Variants in MYO19 observed in about 807,000 individuals in gnomAD.
MYO19 encodes the protein unconventional myosin-XIX.
A neutral mutation model predicts 129.2 loss-of-function variants in MYO19; 132 were observed. The observed-to-expected ratio is 1.02, with a 90% CI of 0.89 to 1.18. MYO19 has a LOEUF of 1.18. MYO19 is among the 50% of genes most tolerant of loss of function. MYO19 has a pLI of 0.00. For synonymous variants in MYO19, 531 were observed against 477.2 expected, an observed-to-expected ratio of 1.11 and a Z score of -1.47; for missense variants, 1,210 against 1,216.7, an observed-to-expected ratio of 0.99 and a Z score of 0.08.
chr17:36,519,818 T>C (rs2073030484), intron 6 of MYO19, among the ~76,000 whole-genome samples: 1 of 152,176 alleles, frequency 6.6e-6, no homozygotes, highest in African/African-American at 2.4e-5. Flanking sequence ...TATTTCACTT[T>C]CATTGTTGAA....
At chr17:36,517,127 C>A (rs1247183304) in intron 6 of MYO19, among the ~76,000 whole-genome samples, 1 of 152,150 alleles carries the variant, frequency 6.6e-6, no homozygotes, top group African/African-American at 2.4e-5. Context: ...TGTATAATTT[C>A]TTGGCATAAA....
At chr17:36,502,936 A>C (rs1247762608) in intron 21 of MYO19, 161 bp downstream of exon 21, 1 of 649,550 alleles carries the variant, frequency 1.5e-6, no homozygotes, top group East Asian at 2.6e-5. Flanking sequence ...TCCACTTTCC[A>C]TGCTATTTGT....
At chr17:36,532,833 G>A (rs1258595683) in intron 2 of MYO19, among the ~76,000 whole-genome samples, 152 bp from the exon 3 acceptor site, 2 of 152,166 alleles carry the variant, frequency 1.3e-5, no homozygotes, top group Admixed American at 1.3e-4. Context: ...TTGCCAATTA[G>A]GAGACAGGGA....
chr17:36,515,649 G>A (rs1348423973), intron 7 of MYO19, among the ~76,000 whole-genome samples: 1 of 152,200 alleles, frequency 6.6e-6, no homozygotes, highest in Non-Finnish European at 1.5e-5. Context: ...GCCTAGGCTG[G>A]AGCGAGGAAG....
chr17:36,527,976 C>T (rs141386088), intron 4 of MYO19, 88 bp downstream of exon 4: 16 of 1,527,736 alleles, frequency 1.0e-5, no homozygotes, highest in South Asian at 7.5e-5. Context: ...TGCCGACCTC[C>T]GTCTGACCTG....
At chr17:36,532,007 T>C (rs2073863131) in intron 3 of MYO19, among the ~76,000 whole-genome samples, 1 of 152,216 alleles carries the variant, frequency 6.6e-6, no homozygotes, top group South Asian at 2.1e-4. Flanking sequence ...GGGGCAACAG[T>C]AGCCTTTTCA....
Position 36,504,027 on chromosome 17 carries a change from G to T in MYO19, c.1906-7C>A, listed in dbSNP as rs554594296. ...CCTCCAGCTGGCTCAGGACCTGCAAGGGTGGGGAGACAGGGCAGGCACCTG... is the reference window on the plus strand; with the variant it reads ...CCTCCAGCTGGCTCAGGACCTGCAATGGTGGGGAGACAGGGCAGGCACCTG... On this transcript the variant is annotated splice_region_variant and splice_polypyrimidine_tract_variant and intron_variant, in intron 19 of 25. Transcript: ENST00000614623. 9.6e-6 allele frequency: 15 copies of T among 1,562,624 alleles called. No homozygotes were observed. In the East Asian group the frequency reaches 3.1e-4, roughly 32 times the overall value.
chr17:36,537,449 C>A (rs766615427), upstream of MYO19: 5 of 1,614,188 alleles, frequency 3.1e-6, no homozygotes, highest in Non-Finnish European at 4.2e-6. Flanking sequence ...TTGAAAAATT[C>A]TTGAACATCA....
At chr17:36,531,160 C>T (rs1007295412) in intron 3 of MYO19, among the ~76,000 whole-genome samples, 4 of 151,756 alleles carry the variant, frequency 2.6e-5, no homozygotes, top group Non-Finnish European at 4.4e-5. Flanking sequence ...TTTGGGAGGC[C>T]GAGGTGGGTG....
intron 11 of MYO19, chr17:36,512,639 C>T: frequency 1.6e-6 from 2 of 1,288,650 alleles, no homozygotes; most frequent in South Asian, 1.2e-5. Context: ...CAGGTACTGT[C>T]CTTCTGTCAA....
At chr17:36,540,977 T>TG (rs1332538335) in intron 2 of MYO19, among the ~76,000 whole-genome samples, 2 of 152,104 alleles carry the variant, frequency 1.3e-5, no homozygotes, top group Admixed American at 1.3e-4. Flanking sequence ...CTTCAGAAAG[T>TG]GACTCCCATA....
intron 2 of MYO19, among the ~76,000 whole-genome samples, chr17:36,541,488 A>G (rs1189292832): frequency 6.6e-6 from 1 of 152,226 alleles, no homozygotes; most frequent in African/African-American, 2.4e-5. Context: ...CCTGGAGAAC[A>G]GATAGATCTC....
At chr17:36,516,671 G>A (rs1419511290) in intron 6 of MYO19, among the ~76,000 whole-genome samples, 1 of 152,180 alleles carries the variant, frequency 6.6e-6, no homozygotes, top group African/African-American at 2.4e-5. Flanking sequence ...CTGGCCCCAA[G>A]CAGTCTAATT....
rs768516477 is a variant in MYO19, at chr17:36,532,547, A to G, written c.-9T>C. The G allele has an allele frequency of 4.5e-6, 7 of 1,554,696 alleles. No individual in the cohort carries two copies. Among genetic ancestry groups the G allele is most frequent in the Middle Eastern group, 3.3e-4 (2 of 5,980 alleles). ...TTTACCTGCTGGAGCATCCTCCTTC[A>G]AAGTGGTCAGCCAGGGTTCTGGGTT... On this transcript the variant is annotated 5_prime_UTR_variant, in exon 3 of 26. Coordinates refer to ENST00000614623, the MANE Select transcript of MYO19 (RefSeq NM_001163735.2).
chr17:36,498,489 C>T lies in MYO19; in HGVS notation c.2534G>A (p.Cys845Tyr). 1 of 1,614,084 alleles carries T rather than the reference C, an allele frequency of 6.2e-7. No homozygotes were observed. Among genetic ancestry groups the T allele is most frequent in the Non-Finnish European group, 8.5e-7 (1 of 1,179,910 alleles). ...VEEKHFSQAP[C>Y]SLSTSPLQTR... ...CTGCAGCGGCGAGGTGCTCAGGGAA[C>T]AGGGAGCTTGAGAGAAGTGTTTTTC... The change falls in exon 25 of 26, where the codon TGT becomes TAT. Residue 845 changes from cysteine to tyrosine, a missense_variant. Transcript: ENST00000614623.
upstream of MYO19, chr17:36,538,908 C>G (rs1398427019): frequency 3.9e-6 from 1 of 253,530 alleles, no homozygotes; most frequent in African/African-American, 2.3e-5. Context: ...CATGTACCAC[C>G]ATGCCCAGCT....
chr17:36,528,247 G>A (rs1448799530), intron 3 of MYO19, 45 bp from the exon 4 acceptor site: 3 of 1,538,596 alleles, frequency 1.9e-6, no homozygotes, highest in African/African-American at 2.7e-5. Context: ...AGTGGCTCAT[G>A]CCTATAATCC....
intron 15 of MYO19, 56 bp from the exon 16 acceptor site, chr17:36,507,568 C>A (rs1016331979): frequency 1.3e-6 from 2 of 1,558,760 alleles, no homozygotes; most frequent in Admixed American, 1.7e-5. Context: ...GATGTCCTGA[C>A]GGGCCATCCA....
In MYO19 at chr17:36,507,509, C is replaced by A. The variant is rs1303333193; in HGVS notation, c.1357G>T (p.Glu453Ter). Residue 453 changes from glutamate to a stop codon, truncating the protein, a stop_gained, in exon 16 of 26, where the codon GAA (glutamate) becomes TAA (stop). Coordinates refer to ENST00000614623, the MANE Select transcript of MYO19 (RefSeq NM_001163735.2). LOFTEE classifies it high-confidence loss of function. ...CACTCCAGGCCCTCAACTGCGTATTCCTCCTAAAGAACAAGGTGGGATGAG... is the reference window on the plus strand; with the variant it reads ...CACTCCAGGCCCTCAACTGCGTATTACTCCTAAAGAACAAGGTGGGATGAG... ...VAHYLRAQQE[E>*]YAVEGLEWSF... 3.7e-6 allele frequency: 6 copies of A among 1,613,144 alleles called. No homozygotes were observed. The highest frequency in any genetic ancestry group is 1.3e-5 in the African/African-American group (1 of 74,890).
Sources: gnomAD v4.1 joint callset for allele counts (sites outside exome capture counted in the v4.1 genomes callset) on GRCh38, gnomAD v4.1.1 for gene constraint, MANE v1.5 for transcripts, NCBI Gene and HGNC (gene_info 2026-07-23, HGNC 2026-07-21) for gene names.